DOCK4: variants seen among roughly 807,000 people sequenced by gnomAD.
DOCK4 encodes dedicator of cytokinesis protein 4.
DOCK4 carries 97 observed loss-of-function variants against 268.1 expected under a neutral mutation model. The ratio of observed to expected loss-of-function variants is 0.36; its 90% CI spans 0.31 to 0.43. The LOEUF is 0.43. Ranked by LOEUF, DOCK4 falls within the 20% of genes least tolerant of loss-of-function variation. The probability of loss-of-function intolerance (pLI) is 1.00; values close to 1 mark genes in which losing one functional copy is unlikely to be tolerated. For synonymous variants in DOCK4, 954 were observed against 887.2 expected (o/e 1.08, Z -1.34); for missense variants, 2,145 against 2,455.7 (o/e 0.87, Z 2.67).
chr7:112,073,961 T>A (rs991716485), intron 1 of DOCK4, among the ~76,000 whole-genome samples: 2 of 152,164 alleles, frequency 1.3e-5, no homozygotes, highest in African/African-American at 2.4e-5. Context: ...ACTCTATACA[T>A]GAATTGAATC....
chr7:111,884,982 GA>G (rs1807713485), intron 16 of DOCK4, among the ~76,000 whole-genome samples: 2 of 152,302 alleles, frequency 1.3e-5, no homozygotes, highest in South Asian at 2.1e-4. Flanking sequence ...CCCCAGGTGG[GA>G]AAAGGGTCTA....
At chr7:112,183,596 T>C (rs1819237958) in intron 1 of DOCK4, among the ~76,000 whole-genome samples, 2 of 152,196 alleles carry the variant, frequency 1.3e-5, no homozygotes, top group South Asian at 4.1e-4. Context: ...TTCCTTCTGA[T>C]GGTCATGTAG....
At chr7:111,970,321 A>G (rs1044427626) in intron 8 of DOCK4, among the ~76,000 whole-genome samples, 8 of 141,112 alleles carry the variant, frequency 5.7e-5, no homozygotes, top group African/African-American at 2.6e-4. Flanking sequence ...AAGTTATTAA[A>G]AAAAAAGAAA....
chr7:111,817,299 C>T (rs528488198), intron 27 of DOCK4, among the ~76,000 whole-genome samples: 1 of 152,228 alleles, frequency 6.6e-6, no homozygotes, highest in African/African-American at 2.4e-5. Flanking sequence ...GATAACTACA[C>T]TTAATTAAAA....
intron 1 of DOCK4, among the ~76,000 whole-genome samples, chr7:112,045,351 A>G (rs544041938): frequency 6.6e-6 from 1 of 152,172 alleles, no homozygotes; most frequent in African/African-American, 2.4e-5. Flanking sequence ...GACAAGCTCC[A>G]TTTTCTTACT....
intron 41 of DOCK4, among the ~76,000 whole-genome samples, chr7:111,756,205 C>T (rs745764216): frequency 2.0e-5 from 3 of 152,088 alleles, no homozygotes; most frequent in East Asian, 1.9e-4. Context: ...AAAAATTAGC[C>T]GGGCATGGTG....
At chr7:112,157,726 T>C (rs1231666172) in intron 1 of DOCK4, among the ~76,000 whole-genome samples, 1 of 152,064 alleles carries the variant, frequency 6.6e-6, no homozygotes, top group Non-Finnish European at 1.5e-5. Context: ...CAAGGAAGTG[T>C]GGCATGACTT....
intron 42 of DOCK4, among the ~76,000 whole-genome samples, chr7:111,750,942 T>C (rs1198773719): frequency 6.6e-6 from 1 of 152,246 alleles, no homozygotes; most frequent in Non-Finnish European, 1.5e-5. Flanking sequence ...AATACAGCAT[T>C]ATCTTTCCTG....
chr7:112,116,796 G>T (rs1342638581), intron 1 of DOCK4, among the ~76,000 whole-genome samples: 2 of 152,018 alleles, frequency 1.3e-5, no homozygotes, highest in Non-Finnish European at 2.9e-5. Context: ...GTCGGCTGTT[G>T]TTGCCCAGGC....
chr7:111,844,979 G>C, intron 24 of DOCK4, 82 bp from the exon 25 acceptor site: 1 of 1,507,694 alleles, frequency 6.6e-7, no homozygotes, highest in Non-Finnish European at 8.9e-7. Context: ...AAATCAAAGA[G>C]TCAGAGAACT....
chr7:112,180,101 A>AT (rs1369302336), intron 1 of DOCK4, among the ~76,000 whole-genome samples: 6 of 144,160 alleles, frequency 4.2e-5, no homozygotes, highest in African/African-American at 1.6e-4. Context: ...AAAGTCAACT[A>AT]CGGTTTAGCT....
chr7:111,786,387 C>A (rs1585982595), intron 32 of DOCK4, among the ~76,000 whole-genome samples: 1 of 152,208 alleles, frequency 6.6e-6, no homozygotes. Flanking sequence ...CCAGGGGAAG[C>A]AGAATTTAGT....
rs150222628 is a variant in DOCK4 at position 111,860,078 on chromosome 7, A to G, written c.2473+3294T>C. 4.7e-3 allele frequency among the ~76,000 whole-genome samples: 717 copies of G among 152,246 alleles called. 4 individuals carry two copies. Among genetic ancestry groups the G allele is most frequent in the Middle Eastern group, 0.014 (4 of 294 alleles). On this transcript the variant is annotated intron_variant, in intron 23 of 52. Coordinates refer to ENST00000428084, the MANE Select transcript of DOCK4 (RefSeq NM_001363540.2). Reference sequence around the variant, plus strand: ...TGAGGATCACACTCTCCAGTTAACCACAACTCAAGATATCACGTCCTGTTC... The same window carrying G: ...TGAGGATCACACTCTCCAGTTAACCGCAACTCAAGATATCACGTCCTGTTC...
intron 1 of DOCK4, among the ~76,000 whole-genome samples, chr7:112,049,267 G>A (rs898655128): frequency 6.6e-6 from 1 of 152,054 alleles, no homozygotes; most frequent in African/African-American, 2.4e-5. Context: ...GGAGAGAAAT[G>A]GAAGTATATT....
intron 1 of DOCK4, among the ~76,000 whole-genome samples, chr7:112,045,028 C>G (rs1295645287): frequency 6.6e-6 from 1 of 152,170 alleles, no homozygotes. Flanking sequence ...AAACTCACAT[C>G]CTTTTCACAG....
At chr7:112,190,680 A>AC (rs1819877006) in intron 1 of DOCK4, among the ~76,000 whole-genome samples, 1 of 152,178 alleles carries the variant, frequency 6.6e-6, no homozygotes, top group South Asian at 2.1e-4. Flanking sequence ...AAAAACAAAA[A>AC]AAAAAAATTA....
intron 30 of DOCK4, among the ~76,000 whole-genome samples, chr7:111,798,479 C>A (rs1800053216): frequency 1.3e-5 from 2 of 152,180 alleles, no homozygotes; most frequent in Non-Finnish European, 2.9e-5. Context: ...AACTCTAATC[C>A]AATATTTTTC....
rs1167026156 is a variant in DOCK4 at position 111,989,131 on chromosome 7, C to T, written c.348G>A (p.Trp116Ter). 1.9e-6 allele frequency: 3 copies of T among 1,613,880 alleles called. No homozygotes were observed. Among genetic ancestry groups the T allele is most frequent in the South Asian group, 2.2e-5 (2 of 91,084 alleles). The change falls in exon 6 of 53, where the codon TGG (tryptophan) becomes TGA (stop). Residue 116 changes from tryptophan to a stop codon, truncating the protein, a stop_gained. Transcript: ENST00000428084. LOFTEE classifies it high-confidence loss of function. ...GGTCCAGGATTTCATTCATGATGTG[C>T]CACAGCCGGTGGAAGAGATCGCCTT... The part of the protein sequence containing the change: ...RNEGDLFHRL[W>*]HIMNEILDLR...
intron 1 of DOCK4, among the ~76,000 whole-genome samples, chr7:112,069,561 G>C (rs574970263): frequency 1.3e-5 from 2 of 152,124 alleles, no homozygotes; most frequent in African/African-American, 4.8e-5. Context: ...TCACAGGGTC[G>C]TTCTGAGGAC....
Sources: gnomAD v4.1 joint callset for allele counts (sites outside exome capture counted in the v4.1 genomes callset) on GRCh38, gnomAD v4.1.1 for gene constraint, MANE v1.5 for transcripts, NCBI Gene and HGNC (gene_info 2026-07-23, HGNC 2026-07-21) for gene names.